TMEM132D: variants seen among roughly 807,000 people sequenced by gnomAD.
TMEM132D encodes the protein transmembrane protein 132D.
TMEM132D carries 21 observed loss-of-function variants against 62.3 expected under a neutral mutation model. The observed-to-expected ratio is 0.34, with a 90% CI of 0.24 to 0.49. The LOEUF is 0.49. Among genes scored for constraint, TMEM132D ranks in the 20% least tolerant of loss-of-function variants. The probability of loss-of-function intolerance (pLI) is 0.99; values close to 1 mark genes in which losing one functional copy is unlikely to be tolerated. For missense variants in TMEM132D, 1,346 were observed against 1,402.8 expected (o/e 0.96, Z 0.65); for synonymous variants, 621 against 575.6 (o/e 1.08, Z -1.13).
At position 129,452,933 on chromosome 12, in the gene TMEM132D, G is replaced by A. The variant is rs114545801; in HGVS notation, c.1115+78126C>T. Among the ~76,000 whole-genome samples the A allele has an allele frequency of 1.4e-3, 207 of 152,160 alleles. 1 individual carries two copies. Among genetic ancestry groups the A allele is most frequent in the African/African-American group, 4.4e-3 (184 of 41,516 alleles). On this transcript the variant is annotated intron_variant, in intron 3 of 8. Transcript: ENST00000422113. ...TGTAGATCAGGGGTCCCCAACCCCCGGGGCCATGGACCCATACTGGTTGGT... is the reference window on the plus strand; with the variant it reads ...TGTAGATCAGGGGTCCCCAACCCCCAGGGCCATGGACCCATACTGGTTGGT...
At chr12:129,096,235 T>C (rs1487443067) in intron 5 of TMEM132D, among the ~76,000 whole-genome samples, 1 of 152,182 alleles carries the variant, frequency 6.6e-6, no homozygotes, top group Non-Finnish European at 1.5e-5. Context: ...CTAGGATGCC[T>C]TGGATCTGGG....
At chr12:129,783,930 G>C (rs550933905) in intron 1 of TMEM132D, among the ~76,000 whole-genome samples, 11 of 152,158 alleles carry the variant, frequency 7.2e-5, no homozygotes, top group African/African-American at 2.6e-4. Context: ...TCACATCTTT[G>C]AGTAATTTGA....
intron 5 of TMEM132D, among the ~76,000 whole-genome samples, chr12:129,121,105 G>GT (rs111790705): frequency 0.14 from 21,107 of 151,464 alleles, 1,668 homozygotes; most frequent in Non-Finnish European, 0.18. Flanking sequence ...TTATTTATTT[G>GT]TTTTTTTTGA....
Position 129,808,213 on chromosome 12 carries a change from T to C in TMEM132D, c.79+95048A>G, listed in dbSNP as rs371637136. Among the ~76,000 whole-genome samples the C allele has an allele frequency of 4.7e-4, 72 of 152,304 alleles. 3 individuals carry two copies. Among genetic ancestry groups the C allele is most frequent in the African/African-American group, 1.7e-3 (70 of 41,568 alleles). On this transcript the variant is annotated intron_variant, in intron 1 of 8. Coordinates refer to ENST00000422113, the MANE Select transcript of TMEM132D (RefSeq NM_133448.3). ...CACACGTCAACACCATTCTCTCTCA[T>C]CGTCTCTAACGAATGAGCCCTATCC...
At chr12:129,516,463 G>A (rs1875680364) in intron 3 of TMEM132D, among the ~76,000 whole-genome samples, 1 of 152,212 alleles carries the variant, frequency 6.6e-6, no homozygotes, top group South Asian at 2.1e-4. Context: ...GGCAGAAGGT[G>A]AAAGGCACAT....
chr12:129,520,357 C>T (rs1387504324), intron 3 of TMEM132D, among the ~76,000 whole-genome samples: 5 of 152,204 alleles, frequency 3.3e-5, no homozygotes, highest in Non-Finnish European at 7.3e-5. Context: ...TCTGTTCTAA[C>T]ACAGAAGAAA....
At chr12:129,225,081 C>G (rs1593302237) in intron 4 of TMEM132D, among the ~76,000 whole-genome samples, 1 of 152,312 alleles carries the variant, frequency 6.6e-6, no homozygotes, top group African/African-American at 2.4e-5. Context: ...CCTACTAGCT[C>G]TGTGACTTTC....
At chr12:129,145,017 CAT>C (rs1236257222) in intron 5 of TMEM132D, among the ~76,000 whole-genome samples, 1 of 151,934 alleles carries the variant, frequency 6.6e-6, no homozygotes, top group Non-Finnish European at 1.5e-5. Flanking sequence ...TATACACACA[CAT>C]ATTTATATAT....
At chr12:129,308,220 T>C (rs1330503881) in intron 4 of TMEM132D, among the ~76,000 whole-genome samples, 1 of 152,250 alleles carries the variant, frequency 6.6e-6, no homozygotes, top group African/African-American at 2.4e-5. Context: ...GTTTGATACC[T>C]GCAATTTTTA....
chr12:129,095,153 G>T (rs1226868292), intron 5 of TMEM132D, among the ~76,000 whole-genome samples: 1 of 151,738 alleles, frequency 6.6e-6, no homozygotes, highest in Non-Finnish European at 1.5e-5. Flanking sequence ...TGCATGTTGT[G>T]CACATGTACC....
chr12:129,455,406 A>G (rs1204103671), intron 3 of TMEM132D, among the ~76,000 whole-genome samples: 2 of 152,252 alleles, frequency 1.3e-5, no homozygotes, highest in Admixed American at 6.5e-5. Flanking sequence ...GTTTTGAACC[A>G]AATGAGATGA....
chr12:129,731,518 G>A (rs1396643813), intron 1 of TMEM132D, among the ~76,000 whole-genome samples: 1 of 152,086 alleles, frequency 6.6e-6, no homozygotes, highest in Non-Finnish European at 1.5e-5. Flanking sequence ...GCATATCCAG[G>A]GAGGACACTG....
chr12:129,592,228 TAA>T (rs11330271), intron 2 of TMEM132D, among the ~76,000 whole-genome samples: 1 of 151,700 alleles, frequency 6.6e-6, no homozygotes, highest in Non-Finnish European at 1.5e-5. Flanking sequence ...TTTTAGGGAG[TAA>T]AAAAAATAGC....
chr12:129,608,938 A>T (rs1245994653), intron 2 of TMEM132D, among the ~76,000 whole-genome samples: 1 of 129,828 alleles, frequency 7.7e-6, no homozygotes, highest in Admixed American at 8.1e-5. Context: ...GGGCCCTCAA[A>T]TTGTTCTTTT....
chr12:129,248,337 C>G (rs1880177752), intron 4 of TMEM132D, among the ~76,000 whole-genome samples: 1 of 152,158 alleles, frequency 6.6e-6, no homozygotes, highest in Non-Finnish European at 1.5e-5. Flanking sequence ...TGCAGAAAGT[C>G]TTAAAATAGG....
intron 2 of TMEM132D, among the ~76,000 whole-genome samples, chr12:129,566,755 T>A (rs1490354999): frequency 6.6e-6 from 1 of 152,220 alleles, no homozygotes; most frequent in African/African-American, 2.4e-5. Context: ...ATTTTATGTC[T>A]GATAAAAAAC....
intron 1 of TMEM132D, among the ~76,000 whole-genome samples, chr12:129,816,749 C>T (rs1872357127): frequency 6.6e-6 from 1 of 152,164 alleles, no homozygotes; most frequent in African/African-American, 2.4e-5. Context: ...ACCCTGACAC[C>T]ATTTATTCCA....
chr12:129,756,374 C>A (rs565159344), intron 1 of TMEM132D, among the ~76,000 whole-genome samples: 1 of 152,282 alleles, frequency 6.6e-6, no homozygotes, highest in East Asian at 1.9e-4. Context: ...TTTTGACACA[C>A]ACTATAACAT....
At chr12:129,588,804 C>T (rs1878110816) in intron 2 of TMEM132D, among the ~76,000 whole-genome samples, 1 of 135,802 alleles carries the variant, frequency 7.4e-6, no homozygotes, top group Non-Finnish European at 1.5e-5. Flanking sequence ...GTGTTATACT[C>T]ATTTATAAAT....
Sources: gnomAD v4.1 joint callset for allele counts (sites outside exome capture counted in the v4.1 genomes callset) on GRCh38, gnomAD v4.1.1 for gene constraint, MANE v1.5 for transcripts, NCBI Gene and HGNC (gene_info 2026-07-23, HGNC 2026-07-21) for gene names.